The following AGAP1 variants were observed in gnomAD, a reference collection of about 807,000 sequenced individuals.
The protein encoded by AGAP1 is arf-GAP with GTPase, ANK repeat and PH domain-containing protein 1.
A neutral mutation model predicts 105.3 loss-of-function variants in AGAP1; 29 were observed. The observed-to-expected ratio is 0.28, with a 90% CI of 0.21 to 0.38. The LOEUF is 0.38. Ranked by LOEUF, AGAP1 falls within the 10% of genes least tolerant of loss-of-function variation. The probability of loss-of-function intolerance (pLI) is 1.00; values close to 1 mark genes in which losing one functional copy is unlikely to be tolerated. For missense variants in AGAP1, 998 were observed against 1,165.1 expected (o/e 0.86, Z 2.09); for synonymous variants, 509 against 485.9 (o/e 1.05, Z -0.63).
Position 235,793,173 on chromosome 2 carries a change from G to A in AGAP1, c.674-4586G>A, listed in dbSNP as rs1039959627. On this transcript the variant is annotated intron_variant, in intron 6 of 17. Transcript: ENST00000304032. This position sits in a 1 kb window ranked among gnomAD's most constrained non-coding sequence, Gnocchi z 5.3. ...CTCTGGACCACTCCCAGTGACCATG[G>A]CAATGGCAGGCCCAGCCTAGGGATT... 1.3e-5 allele frequency among the ~76,000 whole-genome samples: 2 copies of A among 152,262 alleles called. No homozygotes were observed. The highest frequency in any genetic ancestry group is 2.4e-5 in the African/African-American group (1 of 41,568).
intron 1 of AGAP1, among the ~76,000 whole-genome samples, chr2:235,521,737 TATATATG>T (rs1559220665): frequency 5.8e-4 from 76 of 129,966 alleles, no homozygotes; most frequent in African/African-American, 2.1e-3. Flanking sequence ...TTGTTTGTTA[TATATATG>T]TGTGTGTGTG....
Position 235,913,543 on chromosome 2 carries a change from G to A in AGAP1, c.1324+4637G>A, listed in dbSNP as rs533294096. 4.6e-5 allele frequency among the ~76,000 whole-genome samples: 7 copies of A among 152,132 alleles called. No individual in the cohort carries two copies. In the East Asian group the frequency reaches 5.8e-4, roughly 13 times the overall value. On this transcript the variant is annotated intron_variant, in intron 11 of 17. Coordinates refer to ENST00000304032, the MANE Select transcript of AGAP1 (RefSeq NM_001037131.3). ...GTTTCTGGCCTCTCAGATGTGTTCC[G>A]AGACCTGGTGTCCCTGCATTGTCTT... is the stretch of plus-strand genomic sequence containing the variant.
chr2:235,634,551 A>T (rs2149293614), intron 1 of AGAP1, among the ~76,000 whole-genome samples: 1 of 152,250 alleles, frequency 6.6e-6, no homozygotes, highest in East Asian at 1.9e-4. Context: ...ATCTCTAATC[A>T]GTTCAGCCAC....
chr2:235,756,572 C>T (rs745396626), intron 6 of AGAP1, among the ~76,000 whole-genome samples: 5 of 152,108 alleles, frequency 3.3e-5, no homozygotes, highest in African/African-American at 9.7e-5. Context: ...TAAAGATGTA[C>T]GTGAGTGGTC....
chr2:235,851,288 G>A (rs1325664566), intron 9 of AGAP1, among the ~76,000 whole-genome samples: 6 of 152,222 alleles, frequency 3.9e-5, no homozygotes, highest in African/African-American at 1.4e-4. Context: ...TCGGAGCTGG[G>A]AGGGAAACGT....
intron 13 of AGAP1, among the ~76,000 whole-genome samples, chr2:236,017,907 G>A (rs1047402933): frequency 3.3e-5 from 5 of 152,208 alleles, no homozygotes; most frequent in East Asian, 1.9e-4. Context: ...GAGGCAGGAC[G>A]TGTGCCCAGA....
intron 9 of AGAP1, among the ~76,000 whole-genome samples, chr2:235,836,016 C>G (rs145775977): frequency 6.4e-4 from 97 of 152,302 alleles, no homozygotes; most frequent in African/African-American, 2.1e-3. Context: ...AGAACCTGTT[C>G]GCCTGCTGAA....
At chr2:235,878,716 T>G (rs2049866975) in intron 9 of AGAP1, among the ~76,000 whole-genome samples, 1 of 152,196 alleles carries the variant, frequency 6.6e-6, no homozygotes, top group Admixed American at 6.5e-5. Context: ...TATATTTCAG[T>G]GGGAATTTGG....
In AGAP1 at chr2:235,559,925, T is replaced by C. The variant is rs771893269; in HGVS notation, c.163+65076T>C. ...ATATATGATTTGCAAATATATTCTT[T>C]TTTTCTGTGGTTTGTCCATTAATGT... On this transcript the variant is annotated intron_variant, in intron 1 of 17. Coordinates refer to ENST00000304032, the MANE Select transcript of AGAP1 (RefSeq NM_001037131.3). The surrounding 1 kb of genome is among the most constrained non-coding windows in gnomAD (Gnocchi z 5.7). Among the ~76,000 whole-genome samples, 19 of 152,176 alleles carry C rather than the reference T, an allele frequency of 1.2e-4. No homozygotes were observed. Among genetic ancestry groups the C allele is most frequent in the Non-Finnish European group, 2.8e-4 (19 of 68,028 alleles).
intron 9 of AGAP1, among the ~76,000 whole-genome samples, chr2:235,881,160 T>TA (rs1199513997): frequency 1.3e-5 from 2 of 152,246 alleles, no homozygotes; most frequent in Admixed American, 6.5e-5. Context: ...CATACTTTAT[T>TA]AAGTTTGTGA....
rs1395193815 is a variant in AGAP1, at chr2:235,788,444, A to G, written c.674-9315A>G. Among the ~76,000 whole-genome samples, 2 of 151,860 alleles carry G rather than the reference A, an allele frequency of 1.3e-5. No homozygotes were observed. The highest frequency in any genetic ancestry group is 4.8e-5 in the African/African-American group (2 of 41,380). On this transcript the variant is annotated intron_variant, in intron 6 of 17. Transcript: ENST00000304032. This position sits in a 1 kb window ranked among gnomAD's most constrained non-coding sequence, Gnocchi z 6.0. ...GCTGAGTTTGAAAACTGGAGAAGGC[A>G]TGGATGAGAGCAATGCTGAGGGAAG...
Position 235,856,533 on chromosome 2 carries a change from G to A in AGAP1, c.1051-26812G>A, listed in dbSNP as rs148124226. 6.7e-4 allele frequency among the ~76,000 whole-genome samples: 102 copies of A among 152,364 alleles called. 1 individual carries two copies. In the East Asian group the frequency reaches 0.016, roughly 24 times the overall value. On this transcript the variant is annotated intron_variant, in intron 9 of 17. Coordinates refer to ENST00000304032, the MANE Select transcript of AGAP1 (RefSeq NM_001037131.3). ...TGTCCTTTCCACATCTAAGCCAGCAGTAGACTCAAACCGAAGGTCCGTTAA... is the reference window on the plus strand; with the variant it reads ...TGTCCTTTCCACATCTAAGCCAGCAATAGACTCAAACCGAAGGTCCGTTAA...
intron 1 of AGAP1, among the ~76,000 whole-genome samples, chr2:235,658,838 C>T (rs937930639): frequency 6.6e-6 from 1 of 152,160 alleles, no homozygotes; most frequent in Non-Finnish European, 1.5e-5. Context: ...GAGTTTTCGG[C>T]ACCCTCCCCC....
chr2:235,774,618 G>A (rs1175921130), intron 6 of AGAP1: 1 of 277,124 alleles, frequency 3.6e-6, no homozygotes, highest in Non-Finnish European at 7.2e-6. Flanking sequence ...CCTAAATGCA[G>A]TGATTAAAAT....
chr2:235,913,250 AT>A (rs1417076830), intron 11 of AGAP1, among the ~76,000 whole-genome samples: 6 of 152,152 alleles, frequency 3.9e-5, no homozygotes, highest in Admixed American at 2.6e-4. Flanking sequence ...CCCTTAAAAA[AT>A]ATATGTATGT....
chr2:235,710,722 TG>T (rs769577563), intron 2 of AGAP1, among the ~76,000 whole-genome samples: 50 of 152,174 alleles, frequency 3.3e-4, no homozygotes, highest in Non-Finnish European at 6.2e-4. Flanking sequence ...GTTGAATGAA[TG>T]GCACAGGCTT....
chr2:235,800,502 A>G (rs1015879116), intron 8 of AGAP1, among the ~76,000 whole-genome samples: 1 of 152,188 alleles, frequency 6.6e-6, no homozygotes, highest in Non-Finnish European at 1.5e-5. Context: ...TTCCCTGTGC[A>G]TAGCAGACAT....
intron 1 of AGAP1, among the ~76,000 whole-genome samples, chr2:235,658,935 C>T (rs560822144): frequency 1.3e-5 from 2 of 152,288 alleles, no homozygotes; most frequent in Admixed American, 6.5e-5. Flanking sequence ...TCTTTTAGCA[C>T]GTTGCTTTTC....
At position 235,692,561 on chromosome 2, in the gene AGAP1, C is replaced by T. The variant is rs552845294; in HGVS notation, c.164-16618C>T. On this transcript the variant is annotated intron_variant, in intron 1 of 17. Coordinates refer to ENST00000304032, the MANE Select transcript of AGAP1 (RefSeq NM_001037131.3). This position sits in a 1 kb window ranked among gnomAD's most constrained non-coding sequence, Gnocchi z 5.8. ...CTTCGCCCTGCTGCCCCTATGCTCT[C>T]CCCCCTTGCCCTCCCCCCTTGCCTT... Among the ~76,000 whole-genome samples the T allele has an allele frequency of 2.0e-5, 3 of 150,228 alleles. No homozygotes were observed. In the East Asian group the frequency reaches 5.8e-4, roughly 29 times the overall value.
Sources: allele counts gnomAD v4.1 joint callset (sites outside exome capture counted in the v4.1 genomes callset), GRCh38; gene constraint gnomAD v4.1.1; non-coding constraint Gnocchi (gnomAD v3.1); transcripts MANE v1.5; gene names NCBI Gene and HGNC (gene_info 2026-07-23, HGNC 2026-07-21).